The following NUP155 variants were observed in gnomAD, a reference collection of about 807,000 sequenced individuals.
NUP155 encodes nuclear pore complex protein Nup155.
Under a neutral mutation model 180.4 loss-of-function variants are expected in NUP155, and 71 were observed. The observed-to-expected ratio is 0.39, with a 90% CI of 0.33 to 0.48. NUP155 has a LOEUF of 0.48. Ranked by LOEUF, NUP155 falls within the 20% of genes least tolerant of loss-of-function variation. The pLI is 0.91. For missense variants in NUP155, 1,553 were observed against 1,648.9 expected (o/e 0.94, Z 1.01); for synonymous variants, 582 against 559.5 (o/e 1.04, Z -0.57).
At chr5:37,358,784 C>T (rs541929792) in intron 3 of NUP155, among the ~76,000 whole-genome samples, 10 of 151,952 alleles carry the variant, frequency 6.6e-5, no homozygotes, top group Admixed American at 1.3e-4. Context: ...TTTGGGAGGC[C>T]GGGGTGGGCG....
intron 3 of NUP155, 103 bp downstream of exon 3, chr5:37,363,785 T>A (rs944418426): frequency 2.6e-6 from 2 of 783,588 alleles, no homozygotes; most frequent in African/African-American, 1.7e-5. Context: ...AAAGGCTAGA[T>A]GAATGAAAGA....
intron 22 of NUP155, among the ~76,000 whole-genome samples, chr5:37,311,612 AAAGT>A (rs1469478010): frequency 6.6e-6 from 1 of 152,200 alleles, no homozygotes; most frequent in Non-Finnish European, 1.5e-5. Context: ...CGAGAGTCAA[AAAGT>A]AAGTGTTTCA....
chr5:37,358,065 T>C lies in NUP155; in HGVS notation c.463+16A>G. 1.9e-6 allele frequency: 3 copies of C among 1,564,058 alleles called. No homozygotes were observed. The highest frequency in any genetic ancestry group is 2.6e-6 in the Non-Finnish European group (3 of 1,134,296). Reference sequence around the variant, plus strand: ...ATATACAAACATAATCTCTTCCTTATAGTTTTATTTCTTACCTGCTTTTGG... The same window carrying C: ...ATATACAAACATAATCTCTTCCTTACAGTTTTATTTCTTACCTGCTTTTGG... On this transcript the variant is annotated intron_variant, in intron 4 of 34. Transcript: ENST00000231498.
chr5:37,292,090 T>C (rs751505574), intron 34 of NUP155, 52 bp from the exon 35 acceptor site: 2 of 1,583,706 alleles, frequency 1.3e-6, no homozygotes, highest in Non-Finnish European at 1.7e-6. Context: ...CATTTCCTCC[T>C]GCAGGACTTC....
chr5:37,324,187 A>G, intron 19 of NUP155, 80 bp from the exon 20 acceptor site: 1 of 835,604 alleles, frequency 1.2e-6, no homozygotes, highest in Non-Finnish European at 2.0e-6. Flanking sequence ...TAATTTTGAA[A>G]TGAGTATCTC....
At chr5:37,370,208 T>A (rs1272651589) in intron 1 of NUP155, among the ~76,000 whole-genome samples, 1 of 151,864 alleles carries the variant, frequency 6.6e-6, no homozygotes, top group Non-Finnish European at 1.5e-5. Context: ...CGTCTCTACT[T>A]AAAAAACACA....
chr5:37,348,469 T>C lies in NUP155; in HGVS notation c.995+36A>G, dbSNP rs16903598. The stretch of plus-strand genomic sequence containing the variant: ...TACACACAAATAGTATAATTATGCC[T>C]GCAAATGAAATGCTTAATAATAAAT... On this transcript the variant is annotated intron_variant, in intron 9 of 34. Coordinates refer to ENST00000231498, the MANE Select transcript of NUP155 (RefSeq NM_153485.3). 2,034 of 1,267,886 alleles carry C rather than the reference T, an allele frequency of 1.6e-3. 31 individuals are homozygous for C. The African/African-American group carries it at 0.025, about 16-fold the overall frequency. The allele number at this position is 1,267,886 out of a possible 1,614,324, so 78.5% of individuals were successfully genotyped here.
intron 32 of NUP155, among the ~76,000 whole-genome samples, chr5:37,298,156 T>C (rs1390587860): frequency 6.6e-6 from 1 of 151,668 alleles, no homozygotes; most frequent in Non-Finnish European, 1.5e-5. Context: ...GAGAACTGCT[T>C]GAACCTGGAA....
intron 20 of NUP155, 46 bp from the exon 21 acceptor site, chr5:37,318,131 G>A: frequency 1.0e-6 from 1 of 993,418 alleles, no homozygotes; most frequent in Non-Finnish European, 1.6e-6. Flanking sequence ...CAGCTTTATT[G>A]AGATATAACA....
At chr5:37,328,697 G>T (rs950865715) in intron 16 of NUP155, among the ~76,000 whole-genome samples, 10 of 152,100 alleles carry the variant, frequency 6.6e-5, no homozygotes, top group Non-Finnish European at 1.3e-4. Context: ...TAGAGACATG[G>T]TTTCACCATA....
At chr5:37,333,228 G>A (rs769181444) in intron 13 of NUP155, among the ~76,000 whole-genome samples, 11 of 151,894 alleles carry the variant, frequency 7.2e-5, no homozygotes, top group African/African-American at 1.7e-4. Flanking sequence ...GGTGGTGTGC[G>A]CCTGTAATCC....
Position 37,349,257 on chromosome 5 carries a change from A to T in NUP155, c.830-12T>A. 1 of 791,068 alleles carries T rather than the reference A, an allele frequency of 1.3e-6. No homozygotes were observed. The highest frequency in any genetic ancestry group is 1.7e-5 in the South Asian group (1 of 60,058). The allele number at this position is 791,068 out of a possible 1,614,324, so 49.0% of individuals were successfully genotyped here. ...TTGAAGAATAGGATCTAAAAGTAAG[A>T]CAAAAAAAAAAAAGAGAAAAAAGTA... On this transcript the variant is annotated splice_polypyrimidine_tract_variant and intron_variant, in intron 7 of 34. Transcript: ENST00000231498.
At chr5:37,299,360 C>A in intron 31 of NUP155, 88 bp downstream of exon 31, 1 of 1,497,210 alleles carries the variant, frequency 6.7e-7, no homozygotes, top group South Asian at 1.1e-5. Flanking sequence ...CCACTAGCAG[C>A]TTGCATTATA....
intron 3 of NUP155, 144 bp downstream of exon 3, chr5:37,363,744 C>T: frequency 1.5e-6 from 1 of 670,280 alleles, no homozygotes; most frequent in Non-Finnish European, 2.8e-6. Context: ...TTGAACATCT[C>T]CAGATGACTG....
At chr5:37,329,789 T>C (rs1204893327) in intron 15 of NUP155, among the ~76,000 whole-genome samples, 5 of 152,108 alleles carry the variant, frequency 3.3e-5, no homozygotes, top group Non-Finnish European at 7.4e-5. Context: ...TAGAACAAAG[T>C]GTAGAAAGTA....
intron 1 of NUP155, among the ~76,000 whole-genome samples, chr5:37,370,077 A>G (rs1329915322): frequency 1.3e-5 from 2 of 152,214 alleles, no homozygotes; most frequent in African/African-American, 4.8e-5. Flanking sequence ...TACACATAAT[A>G]AAGCGTTTCT....
At chr5:37,328,728 C>T (rs1205058021) in intron 16 of NUP155, among the ~76,000 whole-genome samples, 1 of 152,232 alleles carries the variant, frequency 6.6e-6, no homozygotes, top group Non-Finnish European at 1.5e-5. Context: ...TAGTCTCAAA[C>T]TCCCAACCTC....
chr5:37,307,641 G>A (rs1432840633), intron 24 of NUP155, among the ~76,000 whole-genome samples: 2 of 152,038 alleles, frequency 1.3e-5, no homozygotes, highest in African/African-American at 4.8e-5. Flanking sequence ...CTTCATTGGG[G>A]GCCAGGTGTG....
At chr5:37,328,884 T>G (rs1376224417) in intron 16 of NUP155, among the ~76,000 whole-genome samples, 2 of 152,232 alleles carry the variant, frequency 1.3e-5, no homozygotes, top group Non-Finnish European at 2.9e-5. Flanking sequence ...CTAGTAAGTT[T>G]CTAACAACTC....
Sources: gnomAD v4.1 joint callset for allele counts (sites outside exome capture counted in the v4.1 genomes callset) on GRCh38, gnomAD v4.1.1 for gene constraint, MANE v1.5 for transcripts, NCBI Gene and HGNC (gene_info 2026-07-23, HGNC 2026-07-21) for gene names.